The following ASAH2B variants were observed in gnomAD, a reference collection of about 807,000 sequenced individuals.
ASAH2B encodes the protein putative inactive neutral ceramidase B.
ASAH2B carries 1 observed loss-of-function variant against 2.9 expected under a neutral mutation model. The observed-to-expected ratio is 0.34, with a 90% CI of 0.12 to 1.63. ASAH2B has a LOEUF of 1.63. Ranked by LOEUF, ASAH2B falls within the 40% of genes most tolerant of loss-of-function variation. The pLI is 0.36. For missense variants in ASAH2B, 9 were observed against 37.7 expected, an observed-to-expected ratio of 0.24 and a Z score of 1.99; for synonymous variants, 4 against 13.3, an observed-to-expected ratio of 0.30 and a Z score of 1.52.
intron 1 of ASAH2B, among the ~76,000 whole-genome samples, chr10:50,741,185 C>G (rs1839825367): frequency 6.6e-6 from 1 of 152,190 alleles, no homozygotes; most frequent in Admixed American, 6.5e-5. Flanking sequence ...CACAGGTTTC[C>G]AGGCTTAAGG....
chr10:50,747,464 T>C (rs1314055062), intron 3 of ASAH2B, among the ~76,000 whole-genome samples: 3 of 151,634 alleles, frequency 2.0e-5, no homozygotes, highest in African/African-American at 7.3e-5. Flanking sequence ...TCCAATCCAA[T>C]GTCAAATAGA....
rs1241844521 is a variant in ASAH2B, at chr10:50,757,014, G to A, written c.*2274G>A. ...TGGAGATTTTGTTTCTCATGTTAAA[G>A]TGTCTGCATTTTATTTGCTGTACCC... On this transcript the variant is annotated 3_prime_UTR_variant, in exon 6 of 6. Transcript: ENST00000647317. 2.0e-5 allele frequency: 3 copies of A among 151,762 alleles called. No homozygotes were observed. The highest frequency in any genetic ancestry group is 4.8e-5 in the African/African-American group (2 of 41,470). 9.4% of individuals were successfully genotyped at this position (151,762 alleles called of 1,614,324 possible). A position where few individuals can be genotyped will look rare whatever the true frequency, so the allele number is the denominator to read the frequency against.
At chr10:50,740,628 G>A (rs910856084) in intron 1 of ASAH2B, among the ~76,000 whole-genome samples, 9 of 152,138 alleles carry the variant, frequency 5.9e-5, no homozygotes, top group African/African-American at 2.2e-4. Context: ...CTGGCACAGT[G>A]GCTAGCACAT....
rs1837068134 is a variant in ASAH2B at position 50,755,536 on chromosome 10, A to G, written c.*796A>G. 6.7e-6 allele frequency: 1 copy of G among 149,148 alleles called. No individual in the cohort carries two copies. The highest frequency in any genetic ancestry group is 1.5e-5 in the Non-Finnish European group (1 of 66,988). 9.2% of individuals were successfully genotyped at this position (149,148 alleles called of 1,614,324 possible). ...TTACTCCCAAGACTTATTCCAAATGATTTTTTGACTCTTTTCATTAATCAA... is the reference window on the plus strand; with the variant it reads ...TTACTCCCAAGACTTATTCCAAATGGTTTTTTGACTCTTTTCATTAATCAA... On this transcript the variant is annotated 3_prime_UTR_variant, in exon 6 of 6. Coordinates refer to ENST00000647317, the MANE Select transcript of ASAH2B (RefSeq NM_001321958.2).
rs1190058955 is a variant in ASAH2B at position 50,758,984 on chromosome 10, A to G, written c.*4244A>G. 6.7e-6 allele frequency: 1 copy of G among 149,356 alleles called. No homozygotes were observed. The highest frequency in any genetic ancestry group is 1.5e-5 in the Non-Finnish European group (1 of 66,824). The allele number at this position is 149,356 out of a possible 1,614,324, so 9.3% of individuals were successfully genotyped here. On this transcript the variant is annotated 3_prime_UTR_variant, in exon 6 of 6. Transcript: ENST00000647317. ...GTAGAAATTAGCTAGAAGGAAGGCA[A>G]TGGTGTGTGCATGTATGTGTGTATT...
Position 50,757,791 on chromosome 10 carries a change from A to G in ASAH2B, c.*3051A>G, listed in dbSNP as rs1323358287. ...TTCCTTATGCAATTTGTTAGTATGC[A>G]TTCAGCTGTAACTCAGAAAATATTC... is the stretch of plus-strand genomic sequence containing the variant. On this transcript the variant is annotated 3_prime_UTR_variant, in exon 6 of 6. Transcript: ENST00000647317. The G allele has an allele frequency of 6.6e-6, 1 of 151,474 alleles. No individual in the cohort carries two copies. The highest frequency in any genetic ancestry group is 1.5e-5 in the Non-Finnish European group (1 of 67,662). The allele number at this position is 151,474 out of a possible 1,614,324, so 9.4% of individuals were successfully genotyped here.
At position 50,758,693 on chromosome 10, in the gene ASAH2B, C is replaced by T. The variant is rs1837144466; in HGVS notation, c.*3953C>T. 1 of 152,154 alleles carries T rather than the reference C, an allele frequency of 6.6e-6. No individual in the cohort carries two copies. The highest frequency in any genetic ancestry group is 2.1e-4 in the South Asian group (1 of 4,838). 9.4% of individuals were successfully genotyped at this position (152,154 alleles called of 1,614,324 possible). On this transcript the variant is annotated 3_prime_UTR_variant, in exon 6 of 6. Transcript: ENST00000647317. ...TTGCAAAATGTATACGTTCCTTTAA[C>T]AGATTTATATCAAGCACCTATATAC...
chr10:50,747,433 C>A (rs1418072243), intron 3 of ASAH2B, among the ~76,000 whole-genome samples: 1 of 151,408 alleles, frequency 6.6e-6, no homozygotes, highest in African/African-American at 2.4e-5. Flanking sequence ...GTACCTTCAT[C>A]TTTGTTTTTT....
At chr10:50,747,699 G>A (rs185109592) in intron 3 of ASAH2B, among the ~76,000 whole-genome samples, 2 of 151,696 alleles carry the variant, frequency 1.3e-5, no homozygotes, top group African/African-American at 4.8e-5. Flanking sequence ...TTTTAATAAG[G>A]TATTTGCATT....
chr10:50,746,065 G>A (rs1463906620), intron 3 of ASAH2B, among the ~76,000 whole-genome samples: 1 of 151,218 alleles, frequency 6.6e-6, no homozygotes, highest in African/African-American at 2.5e-5. Context: ...CCATCAAGTT[G>A]TACAGTAGCC....
At chr10:50,748,172 A>G (rs1193172656) in intron 3 of ASAH2B, among the ~76,000 whole-genome samples, 1 of 134,162 alleles carries the variant, frequency 7.5e-6, no homozygotes, top group African/African-American at 2.6e-5. Context: ...CATTTCATAT[A>G]AGTTGTTTAA....
chr10:50,747,308 T>C (rs1160318304), intron 3 of ASAH2B, among the ~76,000 whole-genome samples: 1 of 151,432 alleles, frequency 6.6e-6, no homozygotes, highest in Non-Finnish European at 1.5e-5. Context: ...TGTGAGGGCT[T>C]ATTTCTGGGC....
chr10:50,745,705 A>T (rs1173929336), intron 3 of ASAH2B, among the ~76,000 whole-genome samples: 2 of 149,720 alleles, frequency 1.3e-5, no homozygotes, highest in Non-Finnish European at 3.0e-5. Flanking sequence ...ATTCCTTAGG[A>T]ATTTCTACAT....
chr10:50,748,653 A>G (rs955330210), intron 3 of ASAH2B, among the ~76,000 whole-genome samples: 3 of 151,132 alleles, frequency 2.0e-5, no homozygotes, highest in African/African-American at 4.9e-5. Context: ...TATCCTCTCT[A>G]TGATGCTCTG....
chr10:50,758,817 A>G lies in ASAH2B; in HGVS notation c.*4077A>G, dbSNP rs866242265. 3 of 152,012 alleles carry G rather than the reference A, an allele frequency of 2.0e-5. No individual in the cohort carries two copies. Among genetic ancestry groups the G allele is most frequent in the Middle Eastern group, 3.2e-3 (1 of 316 alleles). The allele number at this position is 152,012 out of a possible 1,614,324, so 9.4% of individuals were successfully genotyped here. On this transcript the variant is annotated 3_prime_UTR_variant, in exon 6 of 6. Transcript: ENST00000647317. Reference sequence around the variant, plus strand: ...ACTTAGAGTTTAACGAACAAAGCAAACGGATGAACAGGTAATTACTGTACA... The same window carrying G: ...ACTTAGAGTTTAACGAACAAAGCAAGCGGATGAACAGGTAATTACTGTACA...
intron 2 of ASAH2B, 52 bp downstream of exon 2, chr10:50,743,062 G>A (rs1445101458): frequency 1.3e-6 from 2 of 1,510,118 alleles, no homozygotes; most frequent in South Asian, 1.1e-5. Flanking sequence ...GTGTGTGTAT[G>A]TCTGTATGTG....
rs1235804054 is a variant in ASAH2B, at chr10:50,756,629, C to T, written c.*1889C>T. The T allele has an allele frequency of 2.0e-5, 3 of 151,958 alleles. No individual in the cohort carries two copies. Among genetic ancestry groups the T allele is most frequent in the Admixed American group, 6.6e-5 (1 of 15,232 alleles). The allele number at this position is 151,958 out of a possible 1,614,324, so 9.4% of individuals were successfully genotyped here. A position where few individuals can be genotyped will look rare whatever the true frequency, so the allele number is the denominator to read the frequency against. On this transcript the variant is annotated 3_prime_UTR_variant, in exon 6 of 6. Transcript: ENST00000647317. ...CCTGATAGCTCACTGGCAACTGTAC[C>T]AAGGTGGCCACTGTATCATCTACTG...
Position 50,759,135 on chromosome 10 carries a change from AC to A in ASAH2B, c.*4397del, listed in dbSNP as rs1245331581. ...TGACAGTGAGGCAGCACCAAACTTT[AC>A]CTTCATAAATAGCAATTTGGTTTTA... On this transcript the variant is annotated 3_prime_UTR_variant, in exon 6 of 6. Coordinates refer to ENST00000647317, the MANE Select transcript of ASAH2B (RefSeq NM_001321958.2). 7.4e-6 allele frequency: 1 copy of A among 135,214 alleles called. No homozygotes were observed. The highest frequency in any genetic ancestry group is 1.7e-5 in the Non-Finnish European group (1 of 59,552). The allele number at this position is 135,214 out of a possible 1,614,324, so 8.4% of individuals were successfully genotyped here. A position where few individuals can be genotyped will look rare whatever the true frequency, so the allele number is the denominator to read the frequency against.
At chr10:50,741,001 C>T (rs760897279) in intron 1 of ASAH2B, among the ~76,000 whole-genome samples, 1 of 152,162 alleles carries the variant, frequency 6.6e-6, no homozygotes, top group Non-Finnish European at 1.5e-5. Flanking sequence ...TTCATAAAAA[C>T]GTTTTAAATT....
Sources: gnomAD v4.1 joint callset for allele counts (sites outside exome capture counted in the v4.1 genomes callset) on GRCh38, gnomAD v4.1.1 for gene constraint, MANE v1.5 for transcripts, NCBI Gene and HGNC (gene_info 2026-07-23, HGNC 2026-07-21) for gene names.